The following STK32B variants were observed in gnomAD, a reference collection of about 807,000 sequenced individuals.
The protein encoded by STK32B is serine/threonine kinase 32B.
Under a neutral mutation model 52.6 loss-of-function variants are expected in STK32B, and 43 were observed. The observed-to-expected ratio is 0.82, with a 90% CI of 0.64 to 1.05. The LOEUF (loss-of-function observed/expected upper bound fraction) is 1.05. Among genes scored for constraint, STK32B ranks in the 50% least tolerant of loss-of-function variants. The pLI is 0.00. For missense variants in STK32B, 621 were observed against 534.6 expected (o/e 1.16, Z -1.59); for synonymous variants, 238 against 204.3 (o/e 1.17, Z -1.41).
intron 4 of STK32B, among the ~76,000 whole-genome samples, chr4:5,344,244 A>G (rs965375428): frequency 1.3e-5 from 2 of 152,196 alleles, no homozygotes; most frequent in Admixed American, 6.5e-5. Context: ...CTAAATACTA[A>G]TCAAAGTGGG....
chr4:5,144,146 T>C (rs1247655143), intron 2 of STK32B, among the ~76,000 whole-genome samples: 2 of 152,122 alleles, frequency 1.3e-5, no homozygotes, highest in East Asian at 3.9e-4. Flanking sequence ...CAGCAAGTGT[T>C]GATGAGAGTG....
the STK32B span, among the ~76,000 whole-genome samples, chr4:5,043,147 A>G: frequency 6.7e-6 from 1 of 149,340 alleles, no homozygotes; most frequent in Non-Finnish European, 1.5e-5. Flanking sequence ...CCTGTGCAGC[A>G]TGAATACCCT....
At chr4:5,024,732 T>C in the STK32B span, among the ~76,000 whole-genome samples, 3 of 152,236 alleles carry the variant, frequency 2.0e-5, no homozygotes, top group Non-Finnish European at 4.4e-5. Context: ...TAGGTGCCTG[T>C]TCTGCCCACG....
intron 3 of STK32B, among the ~76,000 whole-genome samples, chr4:5,236,095 A>G (rs1422687486): frequency 6.6e-6 from 1 of 152,198 alleles, no homozygotes; most frequent in Non-Finnish European, 1.5e-5. Flanking sequence ...CATGTCAATT[A>G]TGGTGCATTG....
intron 1 of STK32B, among the ~76,000 whole-genome samples, chr4:5,126,558 C>T (rs1560164890): frequency 6.6e-6 from 1 of 152,202 alleles, no homozygotes; most frequent in South Asian, 2.1e-4. Flanking sequence ...AGATGAGCAC[C>T]TGTGTATGTT....
In STK32B at chr4:5,077,438, C is replaced by G. The variant is rs79544860; in HGVS notation, c.52+25523C>G. Among the ~76,000 whole-genome samples, 1,503 of 152,136 alleles carry G rather than the reference C, an allele frequency of 9.9e-3. 14 individuals carry two copies. The highest frequency in any genetic ancestry group is 0.035 in the African/African-American group (1,436 of 41,508). ...CCCAACCAGCTGTGAGGGCAGACACCCACTGAACTCAAAACAGCTTTGGAA... is the reference window on the plus strand; with the variant it reads ...CCCAACCAGCTGTGAGGGCAGACACGCACTGAACTCAAAACAGCTTTGGAA... On this transcript the variant is annotated intron_variant, in intron 1 of 11. Transcript: ENST00000282908.
chr4:5,139,794 C>T, intron 1 of STK32B, 111 bp from the exon 2 acceptor site: 1 of 1,258,786 alleles, frequency 7.9e-7, no homozygotes, highest in Non-Finnish European at 1.2e-6. Flanking sequence ...TATAGTGCAC[C>T]TGACCCAAGA....
intron 6 of STK32B, chr4:5,435,707 G>A (rs988378286): frequency 6.6e-6 from 1 of 152,214 alleles, no homozygotes; most frequent in African/African-American, 2.4e-5. Context: ...GTACCAGGCA[G>A]GGGATGAGGC....
intron 1 of STK32B, among the ~76,000 whole-genome samples, chr4:5,119,613 A>G (rs954231893): frequency 2.5e-4 from 38 of 152,338 alleles, no homozygotes; most frequent in African/African-American, 8.9e-4. Context: ...ACAAAACCTG[A>G]GCATACGCTC....
intron 3 of STK32B, among the ~76,000 whole-genome samples, chr4:5,241,442 A>G (rs760912342): frequency 6.5e-4 from 99 of 152,220 alleles, no homozygotes; most frequent in Non-Finnish European, 1.3e-3. Flanking sequence ...CCTGGAGTGC[A>G]AACAACTGAG....
At chr4:5,367,432 C>G (rs185607003) in intron 4 of STK32B, among the ~76,000 whole-genome samples, 62 of 152,298 alleles carry the variant, frequency 4.1e-4, no homozygotes, top group Admixed American at 3.3e-4. Flanking sequence ...GTAGCCAACA[C>G]TCTTTCGAGA....
At chr4:5,464,859 T>TAG (rs879359646) in intron 9 of STK32B, among the ~76,000 whole-genome samples, 13 of 152,172 alleles carry the variant, frequency 8.5e-5, no homozygotes, top group Non-Finnish European at 1.8e-4. Context: ...CCTGCATATT[T>TAG]ATGAACGAAT....
intron 3 of STK32B, among the ~76,000 whole-genome samples, chr4:5,182,073 G>A (rs573693587): frequency 1.3e-5 from 2 of 152,278 alleles, no homozygotes; most frequent in East Asian, 3.9e-4. Context: ...TCTTCATATG[G>A]AGCAGCTTCC....
chr4:5,408,481 C>T, intron 5 of STK32B, among the ~76,000 whole-genome samples: 1 of 152,136 alleles, frequency 6.6e-6, no homozygotes, highest in Non-Finnish European at 1.5e-5. Context: ...GCCACTATGC[C>T]TGCTGCACAG....
intron 3 of STK32B, among the ~76,000 whole-genome samples, chr4:5,285,513 A>T (rs890914398): frequency 3.9e-5 from 6 of 152,202 alleles, no homozygotes; most frequent in African/African-American, 1.4e-4. Context: ...CAAGAAAAGA[A>T]TTATAGTACA....
At chr4:5,022,471 C>T in the STK32B span, among the ~76,000 whole-genome samples, 1 of 152,194 alleles carries the variant, frequency 6.6e-6, no homozygotes, top group African/African-American at 2.4e-5. Flanking sequence ...TCTCCTTCAC[C>T]ACGAATCACC....
chr4:5,299,959 T>C (rs1341120122), intron 3 of STK32B, among the ~76,000 whole-genome samples: 1 of 152,062 alleles, frequency 6.6e-6, no homozygotes, highest in Admixed American at 6.6e-5. Context: ...ATCATTCTGA[T>C]ACCGAAATCC....
chr4:5,135,817 T>G (rs1716042326), intron 1 of STK32B, among the ~76,000 whole-genome samples: 1 of 152,182 alleles, frequency 6.6e-6, no homozygotes, highest in South Asian at 2.1e-4. Context: ...AAAAATGCTT[T>G]CCCAAAAATG....
At chr4:5,455,728 C>A (rs528581305) in intron 7 of STK32B, among the ~76,000 whole-genome samples, 7 of 152,126 alleles carry the variant, frequency 4.6e-5, no homozygotes, top group Non-Finnish European at 1.0e-4. Context: ...GCTCTGGGAC[C>A]CTGCTCGATG....
Sources: allele counts gnomAD v4.1 joint callset (sites outside exome capture counted in the v4.1 genomes callset), GRCh38; gene constraint gnomAD v4.1.1; transcripts MANE v1.5; gene names NCBI Gene and HGNC (gene_info 2026-07-23, HGNC 2026-07-21).